Variants in NKAIN2 observed in about 807,000 individuals in gnomAD.
NKAIN2 encodes the protein sodium/potassium transporting ATPase interacting 2.
Under a neutral mutation model 32.6 loss-of-function variants are expected in NKAIN2, and 14 were observed. That is an observed-to-expected ratio of 0.43 (90% confidence interval 0.28 to 0.67). The LOEUF is 0.67. Among genes scored for constraint, NKAIN2 ranks in the 30% least tolerant of loss-of-function variants. The pLI is 0.17. For synonymous variants in NKAIN2, 80 were observed against 87.2 expected, an observed-to-expected ratio of 0.92 and a Z score of 0.46; for missense variants, 198 against 258.3, an observed-to-expected ratio of 0.77 and a Z score of 1.60.
chr6:124,370,973 A>AC (rs1405129605), intron 3 of NKAIN2, among the ~76,000 whole-genome samples: 1 of 151,582 alleles, frequency 6.6e-6, no homozygotes, highest in African/African-American at 2.4e-5. Flanking sequence ...TTACACCCAG[A>AC]CCCCCCAGTA....
At chr6:124,794,374 T>C (rs1302371816) in intron 5 of NKAIN2, among the ~76,000 whole-genome samples, 2 of 152,136 alleles carry the variant, frequency 1.3e-5, no homozygotes, top group Admixed American at 6.5e-5. Context: ...GCCAAAGCAA[T>C]GTAAATTCAA....
chr6:124,054,183 G>T (rs1782537858), intron 1 of NKAIN2, among the ~76,000 whole-genome samples: 1 of 152,018 alleles, frequency 6.6e-6, no homozygotes, highest in African/African-American at 2.4e-5. Flanking sequence ...TGATGCAAAG[G>T]CTTGTTTTTC....
chr6:124,440,776 G>A (rs1166425064), intron 3 of NKAIN2, among the ~76,000 whole-genome samples: 1 of 151,964 alleles, frequency 6.6e-6, no homozygotes, highest in Non-Finnish European at 1.5e-5. Flanking sequence ...GAGATATAAC[G>A]GGACACTTCT....
chr6:124,289,814 A>T (rs1333750642), intron 2 of NKAIN2, among the ~76,000 whole-genome samples: 1 of 152,164 alleles, frequency 6.6e-6, no homozygotes, highest in South Asian at 2.1e-4. Context: ...TCATTAATCT[A>T]TGTTCAAGTA....
intron 3 of NKAIN2, among the ~76,000 whole-genome samples, chr6:124,370,869 C>T (rs962304817): frequency 6.6e-6 from 1 of 152,036 alleles, no homozygotes; most frequent in Admixed American, 6.6e-5. Context: ...AAGGTACACC[C>T]AGTACACTCG....
chr6:124,417,875 A>G (rs905066921), intron 3 of NKAIN2, among the ~76,000 whole-genome samples: 3 of 152,172 alleles, frequency 2.0e-5, no homozygotes, highest in Non-Finnish European at 4.4e-5. Context: ...ATCCTGGTGG[A>G]CAATAGCCAG....
At chr6:124,671,478 C>G (rs1033045226) in intron 4 of NKAIN2, among the ~76,000 whole-genome samples, 2 of 152,068 alleles carry the variant, frequency 1.3e-5, no homozygotes, top group African/African-American at 2.4e-5. Context: ...GAAACTCATA[C>G]ACTTGGCTTA....
intron 1 of NKAIN2, among the ~76,000 whole-genome samples, chr6:123,966,234 A>G (rs1302423781): frequency 1.3e-5 from 2 of 152,006 alleles, no homozygotes; most frequent in African/African-American, 4.8e-5. Flanking sequence ...ATGCAGGGAT[A>G]CTCTTCTGCT....
rs529854722 is a variant in NKAIN2, at chr6:124,647,120, T to C, written c.274-11066T>C. Among the ~76,000 whole-genome samples the C allele has an allele frequency of 9.2e-5, 14 of 151,600 alleles. No individual in the cohort carries two copies. In the South Asian group the frequency reaches 2.9e-3, roughly 32 times the overall value. ...TGGATATGTAAATATTTAGGAAAAC[T>C]GTAAAAAAAAAGTCACGTGAACACT... On this transcript the variant is annotated intron_variant, in intron 3 of 6. Transcript: ENST00000368417.
chr6:124,340,162 G>A (rs1431918173), intron 2 of NKAIN2, among the ~76,000 whole-genome samples: 1 of 152,098 alleles, frequency 6.6e-6, no homozygotes, highest in African/African-American at 2.4e-5. Context: ...ATATTTTGAT[G>A]CCACTTCTAA....
intron 2 of NKAIN2, among the ~76,000 whole-genome samples, chr6:124,322,409 A>G (rs1797235780): frequency 6.6e-6 from 1 of 152,208 alleles, no homozygotes. Flanking sequence ...ACTATAGCGC[A>G]ATATCCAAAA....
intron 1 of NKAIN2, among the ~76,000 whole-genome samples, chr6:123,860,004 A>C (rs535271341): frequency 1.7e-4 from 26 of 152,296 alleles, no homozygotes; most frequent in African/African-American, 6.3e-4. Context: ...TTCGCTTTTG[A>C]GAAGCAAATT....
chr6:124,158,961 G>A (rs995857340), intron 1 of NKAIN2, among the ~76,000 whole-genome samples: 1 of 152,076 alleles, frequency 6.6e-6, no homozygotes, highest in African/African-American at 2.4e-5. Context: ...CTTGCTCATC[G>A]ATGACACCCT....
intron 1 of NKAIN2, among the ~76,000 whole-genome samples, chr6:123,928,486 G>A (rs569542506): frequency 2.0e-4 from 31 of 152,236 alleles, no homozygotes; most frequent in South Asian, 1.2e-3. Context: ...ACTGGATTGC[G>A]TCTTTTACAT....
intron 1 of NKAIN2, among the ~76,000 whole-genome samples, chr6:124,221,029 A>G (rs1791787075): frequency 6.6e-6 from 1 of 152,160 alleles, no homozygotes; most frequent in Non-Finnish European, 1.5e-5. Flanking sequence ...CTAAGGTGAG[A>G]AACTTTACTG....
At chr6:124,160,135 T>A (rs1788197065) in intron 1 of NKAIN2, among the ~76,000 whole-genome samples, 1 of 152,138 alleles carries the variant, frequency 6.6e-6, no homozygotes. Context: ...CCAGATAATA[T>A]ACCTAGTGAG....
At chr6:124,169,203 T>C (rs1788722220) in intron 1 of NKAIN2, among the ~76,000 whole-genome samples, 1 of 152,156 alleles carries the variant, frequency 6.6e-6, no homozygotes, top group Non-Finnish European at 1.5e-5. Flanking sequence ...TTCTGTGTTT[T>C]TTTCTAGTAT....
intron 3 of NKAIN2, among the ~76,000 whole-genome samples, chr6:124,426,203 T>C (rs952105591): frequency 6.6e-6 from 1 of 150,488 alleles, no homozygotes; most frequent in Non-Finnish European, 1.5e-5. Context: ...GTGTAGTCTA[T>C]GTCCCTACTT....
chr6:124,799,817 A>G (rs1349936369), intron 5 of NKAIN2, among the ~76,000 whole-genome samples: 1 of 152,212 alleles, frequency 6.6e-6, no homozygotes, highest in Non-Finnish European at 1.5e-5. Context: ...ATGAATAAAC[A>G]AAAACCTTGA....
Sources: allele counts gnomAD v4.1 joint callset (sites outside exome capture counted in the v4.1 genomes callset), GRCh38; gene constraint gnomAD v4.1.1; transcripts MANE v1.5; gene names NCBI Gene and HGNC (gene_info 2026-07-23, HGNC 2026-07-21).